Variants in RPP40 observed in about 807,000 individuals in gnomAD.
The protein encoded by RPP40 is ribonuclease P protein subunit p40.
In RPP40, 30 loss-of-function variants were observed where a neutral mutation model predicts 42.5. The observed-to-expected ratio is 0.71, with a 90% confidence interval of 0.53 to 0.96. The LOEUF is 0.96. RPP40 is among the 40% of genes least tolerant of loss of function. RPP40 has a pLI of 0.00. For synonymous variants in RPP40, 173 were observed against 164.0 expected (o/e 1.05, Z -0.42); for missense variants, 426 against 433.5 (o/e 0.98, Z 0.15).
chr6:5,000,895 C>G (rs1037502325), intron 2 of RPP40, among the ~76,000 whole-genome samples: 3 of 151,074 alleles, frequency 2.0e-5, no homozygotes, highest in South Asian at 2.1e-4. Flanking sequence ...GAAGACCAAG[C>G]ATGCAGAAGA....
At chr6:5,000,671 A>C in intron 2 of RPP40, 40 bp from the exon 3 acceptor site, 1 of 1,189,742 alleles carries the variant, frequency 8.4e-7, no homozygotes, top group Non-Finnish European at 1.2e-6. Context: ...AAAACAAGAA[A>C]TTACACCTGC....
Position 4,999,778 on chromosome 6 carries a change from T to C in RPP40, c.433+31A>G, listed in dbSNP as rs145892487. ...TAAATTTAAATTGCCACAAGAAGAT[T>C]AGAAACAGATGGAACACACATGATA... On this transcript the variant is annotated intron_variant, in intron 4 of 7. Transcript: ENST00000380051. 1,571 of 1,186,232 alleles carry C rather than the reference T, an allele frequency of 1.3e-3. 9 individuals carry two copies. Among genetic ancestry groups the C allele is most frequent in the African/African-American group, 8.9e-3 (587 of 65,816 alleles). 73.5% of individuals were successfully genotyped at this position (1,186,232 alleles called of 1,614,324 possible). A position where few individuals can be genotyped will look rare whatever the true frequency, so the allele number is the denominator to read the frequency against.
In RPP40 at chr6:4,997,027, G is replaced by T. The variant is rs191969541; in HGVS notation, c.560-607C>A. ...AGCAGGCTTACTGTCCCTTACAAAG[G>T]ACTGGAGTTCTTAAACTCCAGGTTC... On this transcript the variant is annotated intron_variant, in intron 5 of 7. Coordinates refer to ENST00000380051, the MANE Select transcript of RPP40 (RefSeq NM_006638.4). 2.0e-3 allele frequency among the ~76,000 whole-genome samples: 301 copies of T among 152,302 alleles called. 1 individual carries two copies. Among genetic ancestry groups the T allele is most frequent in the African/African-American group, 6.8e-3 (281 of 41,550 alleles).
In RPP40 at chr6:5,003,986, C is replaced by G. The variant is rs776679398; in HGVS notation, c.17G>C (p.Arg6Pro). The change falls in exon 1 of 8, where the codon CGG (arginine) becomes CCG (proline). Residue 6 changes from arginine (R) to proline (P), a missense_variant. Transcript: ENST00000380051. MATLR[R>P]LREAPRHLLV... is the part of the protein sequence containing the mutation. ...TAAGTGCCGCGGCGCCTCCCGAAGC[C>G]GGCGCAGCGTGGCCATGCTCTCCTG... 1.2e-6 allele frequency: 2 copies of G among 1,610,692 alleles called. No individual in the cohort carries two copies. Among genetic ancestry groups the G allele is most frequent in the East Asian group, 2.2e-5 (1 of 44,760 alleles).
intron 5 of RPP40, among the ~76,000 whole-genome samples, chr6:4,998,059 G>C (rs2764104): frequency 0.89 from 135,163 of 152,236 alleles, 60,124 homozygotes; most frequent in East Asian, 0.99. Context: ...ACCCAGTGAC[G>C]AGACACTTCC....
downstream of RPP40, among the ~76,000 whole-genome samples, chr6:4,989,738 A>C (rs1487755151): frequency 2.0e-5 from 3 of 152,178 alleles, no homozygotes; most frequent in Non-Finnish European, 4.4e-5. Flanking sequence ...TGTTTCAATT[A>C]TCAATTTTTC....
At chr6:4,996,123 T>C (rs749027635) in intron 6 of RPP40, 38 bp from the exon 7 acceptor site, 2 of 1,610,476 alleles carry the variant, frequency 1.2e-6, no homozygotes, top group Non-Finnish European at 8.5e-7. Context: ...AGATAACACA[T>C]GTATATCCAT....
At chr6:4,994,527 C>T (rs1759311812), downstream of RPP40, among the ~76,000 whole-genome samples, 1 of 152,350 alleles carries the variant, frequency 6.6e-6, no homozygotes, top group Non-Finnish European at 1.5e-5. Flanking sequence ...ATTGATCCCT[C>T]TCTGATCCAG....
At chr6:4,995,867 C>T (rs994013536) in intron 7 of RPP40, 84 bp downstream of exon 7, 1 of 1,356,072 alleles carries the variant, frequency 7.4e-7, no homozygotes, top group Non-Finnish European at 1.0e-6. Flanking sequence ...TATATACCAC[C>T]TCCCAAAATG....
At chr6:4,994,252 G>A (rs1197655219), downstream of RPP40, among the ~76,000 whole-genome samples, 6 of 130,764 alleles carry the variant, frequency 4.6e-5, no homozygotes, top group African/African-American at 1.7e-4. Context: ...GTTGTGGGGT[G>A]GGGGGAGGGG....
the RPP40 span, among the ~76,000 whole-genome samples, chr6:4,988,602 T>C: frequency 1.3e-5 from 2 of 152,234 alleles, no homozygotes; most frequent in African/African-American, 4.8e-5. Context: ...GTCTGGGTTT[T>C]TTTTCACTCC....
the RPP40 span, among the ~76,000 whole-genome samples, chr6:4,989,510 T>C: frequency 0.3 from 45,296 of 151,996 alleles, 7,319 homozygotes; most frequent in African/African-American, 0.43. Context: ...TAAATCTATA[T>C]TGAATCTATA....
At chr6:4,997,691 C>T (rs1304633861) in intron 5 of RPP40, among the ~76,000 whole-genome samples, 1 of 152,190 alleles carries the variant, frequency 6.6e-6, no homozygotes, top group African/African-American at 2.4e-5. Flanking sequence ...TCCTTTCTCT[C>T]TGGAGAACCC....
At chr6:4,989,723 T>C (rs1211096090), downstream of RPP40, among the ~76,000 whole-genome samples, 1 of 152,202 alleles carries the variant, frequency 6.6e-6, no homozygotes, top group Admixed American at 6.5e-5. Context: ...CAAATGTTGA[T>C]TTTTTGTTTC....
downstream of RPP40, among the ~76,000 whole-genome samples, chr6:4,994,396 TAA>T (rs35552747): frequency 1.3e-4 from 20 of 151,104 alleles, no homozygotes; most frequent in East Asian, 3.9e-4. Flanking sequence ...TAAAGTATAA[TAA>T]AAAAAAAATG....
At chr6:5,001,465 C>T (rs573620219) in intron 2 of RPP40, among the ~76,000 whole-genome samples, 70 of 152,168 alleles carry the variant, frequency 4.6e-4, no homozygotes, top group Non-Finnish European at 9.3e-4. Context: ...GGAGAGGACA[C>T]ACATGGGGGC....
chr6:4,995,710 T>A (rs1446784228), intron 7 of RPP40, among the ~76,000 whole-genome samples: 1 of 152,216 alleles, frequency 6.6e-6, no homozygotes, highest in Non-Finnish European at 1.5e-5. Context: ...TGAAAAAGGA[T>A]GTTGGGCTTA....
chr6:5,003,650 C>T (rs924478971), intron 1 of RPP40: 1 of 485,184 alleles, frequency 2.1e-6, no homozygotes, highest in Non-Finnish European at 3.5e-6. Flanking sequence ...TCCCTCCAGA[C>T]TGGGTACCGC....
Position 5,000,597 on chromosome 6 carries a change from A to G in RPP40, c.303T>C (p.Ile101=). 1 of 1,594,298 alleles carries G rather than the reference A, an allele frequency of 6.3e-7. No individual in the cohort carries two copies. The highest frequency in any genetic ancestry group is 2.2e-5 in the East Asian group (1 of 44,808). ...GCAGGGCAACAGTATTATCTTCATC[A>G]ATATGTGTATTGTATGTTAGTGCAT... The part of the protein sequence containing the change: ...SCYALTYNTH[I]DEDNTVALLP... Residue 101 remains isoleucine, a synonymous_variant, in exon 3 of 8, where the codon ATT becomes ATC. Transcript: ENST00000380051.
Sources: gnomAD v4.1 joint callset for allele counts (sites outside exome capture counted in the v4.1 genomes callset) on GRCh38, gnomAD v4.1.1 for gene constraint, MANE v1.5 for transcripts, NCBI Gene and HGNC (gene_info 2026-07-23, HGNC 2026-07-21) for gene names.